CD302: variants seen among roughly 807,000 people sequenced by gnomAD.
The protein encoded by CD302 is CD302 molecule.
Under a neutral mutation model 26.5 loss-of-function variants are expected in CD302, and 23 were observed. That is an observed-to-expected ratio of 0.87 (90% confidence interval 0.62 to 1.23). The LOEUF (loss-of-function observed/expected upper bound fraction) is 1.23, where lower values mean the gene tolerates loss of function less well. Among genes scored for constraint, CD302 ranks in the 50% most tolerant of loss-of-function variants. The pLI is 0.00. For synonymous variants in CD302, 90 were observed against 99.4 expected (o/e 0.91, Z 0.56); for missense variants, 290 against 275.5 (o/e 1.05, Z -0.37).
At chr2:159,788,160 G>A (rs2125810413) in intron 1 of CD302, among the ~76,000 whole-genome samples, 1 of 152,120 alleles carries the variant, frequency 6.6e-6, no homozygotes, top group African/African-American at 2.4e-5. Context: ...ATGTTTGATG[G>A]CTATCTTTGC....
intron 1 of CD302, among the ~76,000 whole-genome samples, chr2:159,793,385 ATAGAACTCTCTGTTCCTT>A (rs1186905084): frequency 6.6e-6 from 1 of 152,142 alleles, no homozygotes; most frequent in Non-Finnish European, 1.5e-5. Flanking sequence ...GTCAAATCTA[ATAGAACTCTCTGTTCCTT>A]TATAAGTTCT....
At chr2:159,791,660 TG>T (rs1484627304) in intron 1 of CD302, among the ~76,000 whole-genome samples, 1 of 152,152 alleles carries the variant, frequency 6.6e-6, no homozygotes. Flanking sequence ...TGCATAGAAG[TG>T]GGTCAATACA....
chr2:159,782,222 T>G (rs1708534008), intron 2 of CD302, among the ~76,000 whole-genome samples: 1 of 151,740 alleles, frequency 6.6e-6, no homozygotes, highest in Admixed American at 6.6e-5. Flanking sequence ...GAGACCATCC[T>G]GGCCAACAGT....
chr2:159,773,733 G>A (rs756351546), intron 5 of CD302, among the ~76,000 whole-genome samples: 1 of 152,122 alleles, frequency 6.6e-6, no homozygotes, highest in Non-Finnish European at 1.5e-5. Context: ...TTAAAACAAT[G>A]TGTAGTTTAT....
Position 159,783,419 on chromosome 2 carries a change from G to T in CD302, c.118C>A (p.Leu40Ile), listed in dbSNP as rs545541067. ...CTTTCTACTTTGATGGCTTCTTGGA[G>T]AAAAATGTAACAACTGTCTTGGAAC... ...IQFQDSCYIF[L>I]QEAIKVESIE... Residue 40 changes from leucine to isoleucine, a missense_variant, in exon 2 of 6, where the codon CTC (leucine) becomes ATC (isoleucine). Physicochemically the swap from Leu to Ile is conservative, Grantham distance 5. Coordinates refer to ENST00000259053, the MANE Select transcript of CD302 (RefSeq NM_014880.5). The T allele has an allele frequency of 6.2e-7, 1 of 1,612,704 alleles. No individual in the cohort carries two copies. Among genetic ancestry groups the T allele is most frequent in the Non-Finnish European group, 8.5e-7 (1 of 1,179,614 alleles).
chr2:159,784,418 C>T (rs1044642575), intron 1 of CD302, among the ~76,000 whole-genome samples: 1 of 129,956 alleles, frequency 7.7e-6, no homozygotes, highest in African/African-American at 3.0e-5. Context: ...TGCAGTGGCG[C>T]GATCTCAGCT....
chr2:159,781,816 T>C (rs771222914), intron 2 of CD302, among the ~76,000 whole-genome samples: 1 of 152,240 alleles, frequency 6.6e-6, no homozygotes, highest in Non-Finnish European at 1.5e-5. Context: ...ACAACATATA[T>C]GTATTAAGTA....
chr2:159,787,871 G>C (rs551158331), intron 1 of CD302, among the ~76,000 whole-genome samples: 1 of 151,886 alleles, frequency 6.6e-6, no homozygotes, highest in African/African-American at 2.4e-5. Flanking sequence ...TCCCAGCACC[G>C]AGGTGGGTGG....
At chr2:159,785,117 G>A (rs987098066) in intron 1 of CD302, among the ~76,000 whole-genome samples, 2 of 151,634 alleles carry the variant, frequency 1.3e-5, no homozygotes, top group African/African-American at 4.9e-5. Flanking sequence ...TGGGATTACA[G>A]GTACACAACA....
At chr2:159,784,773 G>A (rs907497268) in intron 1 of CD302, among the ~76,000 whole-genome samples, 7 of 152,120 alleles carry the variant, frequency 4.6e-5, no homozygotes, top group African/African-American at 1.7e-4. Context: ...AGTTTACTAA[G>A]CTCAGAATAT....
At chr2:159,782,932 A>G (rs977618559) in intron 2 of CD302, among the ~76,000 whole-genome samples, 31 of 152,312 alleles carry the variant, frequency 2.0e-4, no homozygotes, top group Admixed American at 4.6e-4. Flanking sequence ...AAGAACTCTA[A>G]GCCTAAAATC....
At chr2:159,781,089 T>C (rs550011082) in intron 2 of CD302, 91 bp from the exon 3 acceptor site, 1 of 986,850 alleles carries the variant, frequency 1.0e-6, no homozygotes, top group African/African-American at 1.6e-5. Context: ...GTTGCTTAAC[T>C]TTCTATATAT....
chr2:159,798,003 G>A (rs906565740), intron 1 of CD302, 129 bp downstream of exon 1: 17 of 855,200 alleles, frequency 2.0e-5, no homozygotes, highest in African/African-American at 7.1e-5. Context: ...GTGCAGGGAA[G>A]GGCGGGATGG....
intron 3 of CD302, 145 bp downstream of exon 3, chr2:159,780,737 G>T: frequency 1.4e-6 from 1 of 731,792 alleles, no homozygotes; most frequent in Non-Finnish European, 2.4e-6. Context: ...ACAAGCTGTG[G>T]TATGATCATA....
At chr2:159,791,321 G>C (rs745432285) in intron 1 of CD302, among the ~76,000 whole-genome samples, 29 of 152,148 alleles carry the variant, frequency 1.9e-4, no homozygotes, top group Non-Finnish European at 3.1e-4. Context: ...CCCCATATTG[G>C]GCTGATGCCT....
chr2:159,783,001 A>G (rs1050018262), intron 2 of CD302, among the ~76,000 whole-genome samples: 1 of 150,544 alleles, frequency 6.6e-6, no homozygotes, highest in African/African-American at 2.5e-5. Flanking sequence ...AGCTTGAACA[A>G]ATAACTGAAG....
At chr2:159,779,691 C>T (rs114074569) in intron 4 of CD302, among the ~76,000 whole-genome samples, 2,884 of 152,006 alleles carry the variant, frequency 0.019, 46 homozygotes, top group Non-Finnish European at 0.027. Context: ...GCAGCCTCAA[C>T]CTCCCAGGCT....
At chr2:159,785,541 C>T (rs1367010432) in intron 1 of CD302, among the ~76,000 whole-genome samples, 1 of 152,178 alleles carries the variant, frequency 6.6e-6, no homozygotes, top group Non-Finnish European at 1.5e-5. Flanking sequence ...ATTGGAGACG[C>T]CAGACAGCTT....
At position 159,780,016 on chromosome 2, in the gene CD302, C is replaced by T. The variant is rs769667213; in HGVS notation, c.458G>A (p.Cys153Tyr). 1.9e-6 allele frequency: 3 copies of T among 1,613,568 alleles called. No homozygotes were observed. The highest frequency in any genetic ancestry group is 2.5e-6 in the Non-Finnish European group (3 of 1,179,724). Residue 153 changes from cysteine to tyrosine, a missense_variant, in exon 4 of 6, where the codon TGC (cysteine) becomes TAC (tyrosine). Transcript: ENST00000259053. Reference protein sequence around the residue: ...CEVSSVEGTLCKTAIPYKRKY... With the variant: ...CEVSSVEGTLYKTAIPYKRKY... ...TCGGTCATACTTACTAGCTGTTTTGCATAGTGTTCCTTCCACAGAAGAAAC... is the reference window on the plus strand; with the variant it reads ...TCGGTCATACTTACTAGCTGTTTTGTATAGTGTTCCTTCCACAGAAGAAAC...
Sources: allele counts gnomAD v4.1 joint callset (sites outside exome capture counted in the v4.1 genomes callset), GRCh38; gene constraint gnomAD v4.1.1; transcripts MANE v1.5; gene names NCBI Gene and HGNC (gene_info 2026-07-23, HGNC 2026-07-21).